Variants in MOV10L1 observed in about 807,000 individuals in gnomAD.
The protein encoded by MOV10L1 is RNA helicase Mov10l1.
Under a neutral mutation model 143.8 loss-of-function variants are expected in MOV10L1, and 110 were observed. That is an observed-to-expected ratio of 0.76 (90% confidence interval 0.66 to 0.90). The LOEUF (loss-of-function observed/expected upper bound fraction) is 0.90. Ranked by LOEUF, MOV10L1 falls within the 40% of genes least tolerant of loss-of-function variation. The probability of loss-of-function intolerance (pLI) is 0.00; values close to 1 mark genes in which losing one functional copy is unlikely to be tolerated. For missense variants in MOV10L1, 1,406 were observed against 1,526.8 expected (o/e 0.92, Z 1.32); for synonymous variants, 593 against 581.1 (o/e 1.02, Z -0.29).
intron 19 of MOV10L1, chr22:50,147,014 A>G: frequency 1.3e-6 from 2 of 1,534,468 alleles, no homozygotes; most frequent in Non-Finnish European, 1.8e-6. Flanking sequence ...TGAACAAGAC[A>G]GGGATTTTTT....
chr22:50,122,723 TTTTCTTTC>T (rs149625408), intron 10 of MOV10L1, among the ~76,000 whole-genome samples: 72,832 of 150,216 alleles, frequency 0.48, 18,620 homozygotes, highest in Admixed American at 0.6. Context: ...GAGGTGATGG[TTTTCTTTC>T]TTTCTTTCTT....
chr22:50,133,744 A>C (rs2062743204), intron 13 of MOV10L1, among the ~76,000 whole-genome samples: 1 of 151,958 alleles, frequency 6.6e-6, no homozygotes, highest in Non-Finnish European at 1.5e-5. Flanking sequence ...GGGTTTCATC[A>C]TGTTGGCCAG....
At chr22:50,138,797 A>T (rs1027061714) in intron 15 of MOV10L1, among the ~76,000 whole-genome samples, 2 of 152,062 alleles carry the variant, frequency 1.3e-5, no homozygotes, top group African/African-American at 4.8e-5. Context: ...TCCGCCTCCC[A>T]GATTCAAGCA....
At chr22:50,090,248 C>T in intron 1 of MOV10L1, 63 bp downstream of exon 1, 1 of 1,407,216 alleles carries the variant, frequency 7.1e-7, no homozygotes, top group Non-Finnish European at 9.2e-7. Context: ...CACGAGGGAG[C>T]CGCGCCCATA....
intron 5 of MOV10L1, among the ~76,000 whole-genome samples, chr22:50,110,498 TTGAC>T (rs2061995155): frequency 6.6e-6 from 1 of 152,058 alleles, no homozygotes; most frequent in African/African-American, 2.4e-5. Context: ...ATCTCTATGG[TTGAC>T]TGAAGGTGGA....
intron 15 of MOV10L1, among the ~76,000 whole-genome samples, chr22:50,137,233 A>G (rs962375108): frequency 1.3e-5 from 2 of 152,232 alleles, no homozygotes; most frequent in African/African-American, 4.8e-5. Flanking sequence ...ATTAGCAGAC[A>G]AGGACATTAA....
In MOV10L1 at chr22:50,117,246, A is replaced by G; in HGVS notation, c.1349A>G (p.Glu450Gly). Residue 450 changes from glutamate (E) to glycine (G), a missense_variant, in exon 9 of 27, where the codon GAG becomes GGG. Transcript: ENST00000262794. ...RYLEVNVISG[E>G]ESLIAAREPF... Reference sequence around the variant, plus strand: ...CTTGAAGTAAATGTTATCAGTGGGGAGGAGTCACTAATTGCTGCGCGCGAA... The same window carrying G: ...CTTGAAGTAAATGTTATCAGTGGGGGGGAGTCACTAATTGCTGCGCGCGAA... 6.2e-7 allele frequency: 1 copy of G among 1,614,052 alleles called. No individual in the cohort carries two copies. Among genetic ancestry groups the G allele is most frequent in the South Asian group, 1.1e-5 (1 of 91,082 alleles).
rs2063547684 is a variant in MOV10L1, at chr22:50,161,035, T to C, written c.3534T>C (p.Pro1178=). The C allele has an allele frequency of 2.5e-6, 4 of 1,614,036 alleles. No individual in the cohort carries two copies. Among genetic ancestry groups the C allele is most frequent in the Non-Finnish European group, 3.4e-6 (4 of 1,180,024 alleles). ...NGVYMGCDLP[P]ALQSLQNCGE... ...TTTACATGGGATGCGATTTACCTCC[T>C]GCACTGCAGTCTCTGCAAAAGTGAG... The change falls in exon 26 of 27, where the codon CCT becomes CCC. Residue 1178 remains proline (P), a synonymous_variant. Transcript: ENST00000262794.
intron 5 of MOV10L1, among the ~76,000 whole-genome samples, chr22:50,111,842 C>T (rs1445379564): frequency 6.6e-6 from 1 of 152,160 alleles, no homozygotes; most frequent in African/African-American, 2.4e-5. Flanking sequence ...CACTCACCAC[C>T]AGTGAGCTTC....
chr22:50,104,693 A>G lies in MOV10L1; in HGVS notation c.443-3443A>G, dbSNP rs144387281. ...TATATTAAAAAATGTCATATTGGTT[A>G]TCTGGACATTATATTCTTGGTACAT... On this transcript the variant is annotated intron_variant, in intron 3 of 26. Coordinates refer to ENST00000262794, the MANE Select transcript of MOV10L1 (RefSeq NM_018995.3). Among the ~76,000 whole-genome samples, 331 of 152,312 alleles carry G rather than the reference A, an allele frequency of 2.2e-3. 4 individuals carry two copies. Among genetic ancestry groups the G allele is most frequent in the African/African-American group, 7.4e-3 (308 of 41,568 alleles).
intron 13 of MOV10L1, among the ~76,000 whole-genome samples, chr22:50,133,786 C>T (rs1181998120): frequency 1.3e-5 from 2 of 152,092 alleles, no homozygotes; most frequent in African/African-American, 4.8e-5. Context: ...TCAGGTGATC[C>T]ACCCACCTCG....
chr22:50,108,549 C>G (rs903035148), intron 4 of MOV10L1, 108 bp from the exon 5 acceptor site: 4 of 1,253,286 alleles, frequency 3.2e-6, no homozygotes, highest in Non-Finnish European at 4.5e-6. Context: ...CGGACTTGAG[C>G]TTCCTGGTGC....
chr22:50,114,063 C>T (rs1048578519), intron 6 of MOV10L1, among the ~76,000 whole-genome samples: 2 of 151,710 alleles, frequency 1.3e-5, no homozygotes, highest in South Asian at 2.1e-4. Flanking sequence ...GGACTACAGG[C>T]GCCCGCCACC....
intron 2 of MOV10L1, among the ~76,000 whole-genome samples, chr22:50,098,270 C>CATCTT (rs2062646817): frequency 1.1e-4 from 5 of 45,558 alleles, no homozygotes; most frequent in Non-Finnish European, 3.5e-4. Flanking sequence ...TCTTAATAAT[C>CATCTT]ACATAATCAC....
At chr22:50,148,565 C>T (rs1471536359) in intron 19 of MOV10L1, among the ~76,000 whole-genome samples, 1 of 152,200 alleles carries the variant, frequency 6.6e-6, no homozygotes, top group Non-Finnish European at 1.5e-5. Context: ...GGACAGGTAC[C>T]CGCCAGGAGG....
intron 19 of MOV10L1, among the ~76,000 whole-genome samples, chr22:50,147,703 A>G (rs539424879): frequency 6.6e-6 from 1 of 152,400 alleles, no homozygotes; most frequent in East Asian, 1.9e-4. Flanking sequence ...TAGCAATGTC[A>G]TCTGGCAAAA....
intron 13 of MOV10L1, among the ~76,000 whole-genome samples, chr22:50,130,119 T>C (rs1354084450): frequency 6.6e-6 from 1 of 151,982 alleles, no homozygotes; most frequent in African/African-American, 2.4e-5. Flanking sequence ...CTACTAAAAA[T>C]ACAAAACTTA....
At chr22:50,107,625 G>A (rs2061908351) in intron 3 of MOV10L1, among the ~76,000 whole-genome samples, 1 of 152,144 alleles carries the variant, frequency 6.6e-6, no homozygotes, top group African/African-American at 2.4e-5. Flanking sequence ...CACTGAACCT[G>A]CAGTTTTCCA....
chr22:50,137,791 TATACATATTTTATATATATACATATATAA>T (rs1487948116), intron 15 of MOV10L1, among the ~76,000 whole-genome samples: 5 of 99,398 alleles, frequency 5.0e-5, no homozygotes, highest in Admixed American at 1.3e-4. Flanking sequence ...CATATATAAA[TATACATATTTTATATATATACATATATAA>T]ATATACATAT....
Sources: allele counts gnomAD v4.1 joint callset (sites outside exome capture counted in the v4.1 genomes callset), GRCh38; gene constraint gnomAD v4.1.1; transcripts MANE v1.5; gene names NCBI Gene and HGNC (gene_info 2026-07-23, HGNC 2026-07-21).